The following GMPS variants were observed in gnomAD, a reference collection of about 807,000 sequenced individuals.
GMPS encodes GMP synthase [glutamine-hydrolyzing].
GMPS carries 15 observed loss-of-function variants against 77.9 expected under a neutral mutation model. The observed-to-expected ratio is 0.19, with a 90% CI of 0.13 to 0.30. The LOEUF (loss-of-function observed/expected upper bound fraction) is 0.30. Ranked by LOEUF, GMPS falls within the 10% of genes least tolerant of loss-of-function variation. The pLI, the probability that GMPS is intolerant of heterozygous loss-of-function variation, is 1.00. For missense variants in GMPS, 590 were observed against 838.8 expected, an observed-to-expected ratio of 0.70 and a Z score of 3.66; for synonymous variants, 224 against 275.9, an observed-to-expected ratio of 0.81 and a Z score of 1.86.
intron 12 of GMPS, among the ~76,000 whole-genome samples, chr3:155,926,594 TAAAA>T (rs895601406): frequency 4.0e-5 from 6 of 150,208 alleles, no homozygotes; most frequent in Admixed American, 2.6e-4. Flanking sequence ...AAATAAAAAA[TAAAA>T]AAAAAGAAAT....
intron 5 of GMPS, among the ~76,000 whole-genome samples, chr3:155,908,919 T>C (rs1333377003): frequency 6.6e-6 from 1 of 152,084 alleles, no homozygotes; most frequent in Non-Finnish European, 1.5e-5. Flanking sequence ...GAGTATGAGA[T>C]CTCTTAGAAT....
chr3:155,874,203 T>G (rs540228011), intron 1 of GMPS, among the ~76,000 whole-genome samples: 1 of 152,254 alleles, frequency 6.6e-6, no homozygotes, highest in South Asian at 2.1e-4. Context: ...GAGTAATGCT[T>G]TGGGTGACTT....
In GMPS at chr3:155,940,936, T is replaced by TA. The variant is rs1219300383; in HGVS notation, c.*3245dup. On this transcript the variant is annotated 3_prime_UTR_variant, in exon 16 of 16. Transcript: ENST00000496455. ...AGTTTTCCTGGTAGGAATCTCTCTT[T>TA]ACTGCGTGTTTTTTTGAAAAGCTGA... The TA allele has an allele frequency of 4.7e-6, 1 of 211,014 alleles. No homozygotes were observed. The highest frequency in any genetic ancestry group is 2.3e-5 in the African/African-American group (1 of 44,122). 13.1% of individuals were successfully genotyped at this position (211,014 alleles called of 1,614,324 possible).
At chr3:155,930,900 T>C (rs1327940393) in intron 12 of GMPS, among the ~76,000 whole-genome samples, 1 of 152,170 alleles carries the variant, frequency 6.6e-6, no homozygotes. Flanking sequence ...CTGCTCACGA[T>C]AGCCTCGACC....
chr3:155,931,678 T>TC, intron 12 of GMPS, 87 bp from the exon 13 acceptor site: 1 of 574,854 alleles, frequency 1.7e-6, no homozygotes, highest in Non-Finnish European at 3.1e-6. Context: ...CTTTTCTTTT[T>TC]TTTTTAAAAA....
intron 12 of GMPS, among the ~76,000 whole-genome samples, chr3:155,930,115 C>T (rs1560053341): frequency 6.9e-6 from 1 of 145,652 alleles, no homozygotes; most frequent in Non-Finnish European, 1.5e-5. Context: ...AACTATACTA[C>T]AACGCTACAG....
At chr3:155,892,857 C>T (rs552197867) in intron 1 of GMPS, among the ~76,000 whole-genome samples, 233 of 152,344 alleles carry the variant, frequency 1.5e-3, no homozygotes, top group African/African-American at 5.4e-3. Context: ...GTCTTGAACT[C>T]GTGACCTCAG....
At chr3:155,922,338 G>T (rs772264270) in intron 11 of GMPS, 36 bp downstream of exon 11, 1 of 820,274 alleles carries the variant, frequency 1.2e-6, no homozygotes, top group Non-Finnish European at 1.9e-6. Flanking sequence ...ACAAGAAATT[G>T]AACGGATTCT....
intron 4 of GMPS, among the ~76,000 whole-genome samples, chr3:155,905,598 TC>T (rs1198942953): frequency 6.6e-6 from 1 of 152,216 alleles, no homozygotes; most frequent in African/African-American, 2.4e-5. Context: ...TATACTTATT[TC>T]CAGTTAAAAT....
intron 1 of GMPS, among the ~76,000 whole-genome samples, chr3:155,877,695 C>T (rs150504049): frequency 2.4e-4 from 36 of 152,038 alleles, no homozygotes; most frequent in Non-Finnish European, 3.2e-4. Context: ...CAATTCTGAA[C>T]GCTGAGAAGT....
chr3:155,920,600 A>G (rs1208688114), intron 10 of GMPS, among the ~76,000 whole-genome samples: 1 of 150,756 alleles, frequency 6.6e-6, no homozygotes, highest in Non-Finnish European at 1.5e-5. Context: ...GAAAAAAAAA[A>G]AAGAAAAGAA....
intron 4 of GMPS, among the ~76,000 whole-genome samples, chr3:155,905,314 A>C (rs1754846761): frequency 6.6e-6 from 1 of 152,060 alleles, no homozygotes. Context: ...CCTTATTATT[A>C]TTTAATATCG....
In GMPS at chr3:155,893,508, A is replaced by C. The variant is rs774069799; in HGVS notation, c.28-10A>C. ...TAATTAAGACTTTGTATTTGTATTG[A>C]TATTTGCAGCTGGAGAATGCTGGAG... On this transcript the variant is annotated splice_polypyrimidine_tract_variant and intron_variant, in intron 1 of 15. Coordinates refer to ENST00000496455, the MANE Select transcript of GMPS (RefSeq NM_003875.3). 4 of 1,567,614 alleles carry C rather than the reference A, an allele frequency of 2.6e-6. No individual in the cohort carries two copies. The East Asian group carries it at 9.0e-5, about 35-fold the overall frequency.
In GMPS at chr3:155,923,671, G is replaced by A. The variant is rs1329506362; in HGVS notation, c.1434+1369G>A. 5.3e-5 allele frequency among the ~76,000 whole-genome samples: 8 copies of A among 152,144 alleles called. No homozygotes were observed. The South Asian group carries it at 8.3e-4, about 16-fold the overall frequency. ...AACAAGGGCAAAATAAAGTTATTTCGAGATTAAATAGAATTTACTACCAAC... is the reference window on the plus strand; with the variant it reads ...AACAAGGGCAAAATAAAGTTATTTCAAGATTAAATAGAATTTACTACCAAC... On this transcript the variant is annotated intron_variant, in intron 11 of 15. Transcript: ENST00000496455.
intron 5 of GMPS, among the ~76,000 whole-genome samples, chr3:155,909,836 G>A (rs950894373): frequency 6.6e-6 from 1 of 152,054 alleles, no homozygotes; most frequent in Non-Finnish European, 1.5e-5. Context: ...CAGCTACTCA[G>A]GAGGCTGAGG....
At position 155,942,578 on chromosome 3, in the gene GMPS, T is replaced by C; in HGVS notation, c.*4886T>C. 1 of 228,692 alleles carries C rather than the reference T, an allele frequency of 4.4e-6. No individual in the cohort carries two copies. The highest frequency in any genetic ancestry group is 8.7e-6 in the Non-Finnish European group (1 of 115,184). 14.2% of individuals were successfully genotyped at this position (228,692 alleles called of 1,614,324 possible). A position where few individuals can be genotyped will look rare whatever the true frequency, so the allele number is the denominator to read the frequency against. Reference sequence around the variant, plus strand: ...TCCAGGAACCAGATTCTGGAACTGATTGCACCTATATTATGTTGTGTGTCA... The same window carrying C: ...TCCAGGAACCAGATTCTGGAACTGACTGCACCTATATTATGTTGTGTGTCA... On this transcript the variant is annotated 3_prime_UTR_variant, in exon 16 of 16. Transcript: ENST00000496455.
At chr3:155,932,476 T>G (rs1028674707) in intron 13 of GMPS, among the ~76,000 whole-genome samples, 1 of 152,250 alleles carries the variant, frequency 6.6e-6, no homozygotes, top group African/African-American at 2.4e-5. Flanking sequence ...TTAATTTCCC[T>G]TTAATTTGCA....
intron 11 of GMPS, among the ~76,000 whole-genome samples, chr3:155,924,806 T>C (rs1028253292): frequency 2.6e-5 from 4 of 151,666 alleles, no homozygotes; most frequent in Non-Finnish European, 5.9e-5. Context: ...ACATGAAAGG[T>C]ATAGTCTATT....
intron 2 of GMPS, among the ~76,000 whole-genome samples, chr3:155,896,257 C>T (rs919597689): frequency 6.6e-6 from 1 of 152,032 alleles, no homozygotes; most frequent in Non-Finnish European, 1.5e-5. Flanking sequence ...GATCCACGCA[C>T]CTCGGCCTCC....
Sources: gnomAD v4.1 joint callset for allele counts (sites outside exome capture counted in the v4.1 genomes callset) on GRCh38, gnomAD v4.1.1 for gene constraint, MANE v1.5 for transcripts, NCBI Gene and HGNC (gene_info 2026-07-23, HGNC 2026-07-21) for gene names.